TMEM225B: variants seen among roughly 807,000 people sequenced by gnomAD.
TMEM225B encodes the protein transmembrane protein 225-like.
Under a neutral mutation model 16.9 loss-of-function variants are expected in TMEM225B, and 10 were observed. That is an observed-to-expected ratio of 0.59 (90% CI 0.36 to 1.00). The LOEUF is 1.00. Ranked by LOEUF, TMEM225B falls within the 50% of genes least tolerant of loss-of-function variation. The pLI, the probability that TMEM225B is intolerant of heterozygous loss-of-function variation, is 0.01. For missense variants in TMEM225B, 217 were observed against 267.0 expected, an observed-to-expected ratio of 0.81 and a Z score of 1.30; for synonymous variants, 92 against 109.8, an observed-to-expected ratio of 0.84 and a Z score of 1.01.
intron 2 of TMEM225B, among the ~76,000 whole-genome samples, chr7:99,602,465 C>T (rs1191988253): frequency 1.3e-5 from 2 of 152,182 alleles, no homozygotes; most frequent in Non-Finnish European, 1.5e-5. Context: ...CTTTGGTATG[C>T]GTTATTTCAT....
chr7:99,608,587 T>G, intron 5 of TMEM225B, among the ~76,000 whole-genome samples: 1 of 149,782 alleles, frequency 6.7e-6, no homozygotes, highest in Middle Eastern at 3.2e-3. Context: ...TCTTGCTTTG[T>G]TGCCCAGGTT....
rs1250600916 is a variant in TMEM225B at position 99,610,988 on chromosome 7, T to C, written c.*423T>C. Among the ~76,000 whole-genome samples, 1 of 152,074 alleles carries C rather than the reference T, an allele frequency of 6.6e-6. No individual in the cohort carries two copies. The highest frequency in any genetic ancestry group is 1.5e-5 in the Non-Finnish European group (1 of 68,024). On this transcript the variant is annotated 3_prime_UTR_variant, in exon 6 of 6. Transcript: ENST00000431679. ...GGCTGGTGGCACAGGGGTAAAAGAATTTACCAAGACGGTTGTAGATAAAGA... is the reference window on the plus strand; with the variant it reads ...GGCTGGTGGCACAGGGGTAAAAGAACTTACCAAGACGGTTGTAGATAAAGA...
At chr7:99,607,384 C>A (rs148237572) in intron 4 of TMEM225B, among the ~76,000 whole-genome samples, 10 of 152,232 alleles carry the variant, frequency 6.6e-5, no homozygotes, top group East Asian at 5.8e-4. Flanking sequence ...AATGGGATTG[C>A]ATTTAATCCA....
At chr7:99,610,019 T>C (rs1284001291) in intron 5 of TMEM225B, among the ~76,000 whole-genome samples, 1 of 152,214 alleles carries the variant, frequency 6.6e-6, no homozygotes, top group East Asian at 1.9e-4. Context: ...ATTACAGGCG[T>C]GAACTACCAC....
chr7:99,604,733 C>G (rs1805652882), intron 3 of TMEM225B, 137 bp downstream of exon 3: 9 of 723,858 alleles, frequency 1.2e-5, no homozygotes, highest in Non-Finnish European at 4.6e-6. Context: ...GTGGCTTGCA[C>G]TTGTAATCCC....
In TMEM225B at chr7:99,600,277, G is replaced by C. The variant is rs1394645369; in HGVS notation, c.-12G>C. ...CCACCATTGGCCTACATTGGGAGTG[G>C]GGCGACCTGTAAGTGCACAGTGAAT... On this transcript the variant is annotated 5_prime_UTR_variant, in exon 2 of 6. Transcript: ENST00000431679. The C allele has an allele frequency of 1.4e-6, 1 of 702,934 alleles. No homozygotes were observed. Among genetic ancestry groups the C allele is most frequent in the South Asian group, 1.5e-5 (1 of 67,592 alleles). 43.5% of individuals were successfully genotyped at this position (702,934 alleles called of 1,614,324 possible). A position where few individuals can be genotyped will look rare whatever the true frequency, so the allele number is the denominator to read the frequency against.
In TMEM225B at chr7:99,608,858, T is replaced by TAC. The variant is rs1554405762; in HGVS notation, c.493+1058_493+1059dup. On this transcript the variant is annotated intron_variant, in intron 5 of 5. Transcript: ENST00000431679. ...GTGCACGTATATATATATATATATATACACACACACATATATGTGTATATA... is the reference window on the plus strand; with the variant it reads ...GTGCACGTATATATATATATATATATACACACACACACATATATGTGTATATA... 1.9e-3 allele frequency among the ~76,000 whole-genome samples: 281 copies of TAC among 144,434 alleles called. 10 individuals are homozygous for TAC. In the South Asian group the frequency reaches 0.038, roughly 19 times the overall value. 94.8% of individuals were successfully genotyped at this position (144,434 alleles called of 152,430 possible).
rs1805245523 is a variant in TMEM225B at position 99,600,258 on chromosome 7, T to C, written c.-31T>C. 1.4e-6 allele frequency: 1 copy of C among 702,940 alleles called. No individual in the cohort carries two copies. Among genetic ancestry groups the C allele is most frequent in the East Asian group, 2.7e-5 (1 of 37,280 alleles). 43.5% of individuals were successfully genotyped at this position (702,940 alleles called of 1,614,324 possible). A position where few individuals can be genotyped will look rare whatever the true frequency, so the allele number is the denominator to read the frequency against. ...TTTTTTCATCTCTGAATCCCCACCA[T>C]TGGCCTACATTGGGAGTGGGGCGAC... On this transcript the variant is annotated 5_prime_UTR_variant, in exon 2 of 6. Transcript: ENST00000431679.
rs533474260 is a variant in TMEM225B at position 99,600,743 on chromosome 7, A to C, written c.-4+458A>C. Among the ~76,000 whole-genome samples the C allele has an allele frequency of 4.5e-4, 68 of 152,294 alleles. 1 individual carries two copies. Among genetic ancestry groups the C allele is most frequent in the Admixed American group, 3.8e-3 (58 of 15,288 alleles). Reference sequence around the variant, plus strand: ...CTCTTGACACATGGGGATTATTACAATGCAAGGTGAGATTTGGGTGGGGAC... The same window carrying C: ...CTCTTGACACATGGGGATTATTACACTGCAAGGTGAGATTTGGGTGGGGAC... On this transcript the variant is annotated intron_variant, in intron 2 of 5. Transcript: ENST00000431679.
chr7:99,599,709 C>T (rs1387895413), intron 1 of TMEM225B, among the ~76,000 whole-genome samples: 2 of 152,232 alleles, frequency 1.3e-5, no homozygotes, highest in Non-Finnish European at 2.9e-5. Context: ...AGAAAGCATT[C>T]TCTGGATCCA....
intron 5 of TMEM225B, 143 bp downstream of exon 5, chr7:99,607,953 C>CGAAA: frequency 1.1e-6 from 1 of 921,568 alleles, no homozygotes; most frequent in Non-Finnish European, 1.6e-6. Flanking sequence ...ATTTAACTTT[C>CGAAA]GTTAATTAAA....
At position 99,610,706 on chromosome 7, in the gene TMEM225B, T is replaced by A. The variant is rs1345702059; in HGVS notation, c.*141T>A. On this transcript the variant is annotated 3_prime_UTR_variant, in exon 6 of 6. Transcript: ENST00000431679. ...GTCAGATCAACTCTCCACCTCCCCATACTCACAGTGATTCTATCTTGCTTG... is the reference window on the plus strand; with the variant it reads ...GTCAGATCAACTCTCCACCTCCCCAAACTCACAGTGATTCTATCTTGCTTG... 9.7e-6 allele frequency: 6 copies of A among 615,436 alleles called. No homozygotes were observed. The East Asian group carries it at 1.4e-4, about 14-fold the overall frequency. The allele number at this position is 615,436 out of a possible 1,614,324, so 38.1% of individuals were successfully genotyped here. A position where few individuals can be genotyped will look rare whatever the true frequency, so the allele number is the denominator to read the frequency against.
At chr7:99,599,041 G>A (rs943880560) in intron 1 of TMEM225B, among the ~76,000 whole-genome samples, 17 of 152,150 alleles carry the variant, frequency 1.1e-4, no homozygotes, top group Non-Finnish European at 1.9e-4. Flanking sequence ...CTCACTGCAA[G>A]CTCCGCCTCC....
At chr7:99,603,495 C>T (rs1805525991) in intron 2 of TMEM225B, among the ~76,000 whole-genome samples, 1 of 152,016 alleles carries the variant, frequency 6.6e-6, no homozygotes, top group African/African-American at 2.4e-5. Flanking sequence ...AGTTCGAGAC[C>T]AGCCTGGCCA....
intron 2 of TMEM225B, 112 bp from the exon 3 acceptor site, chr7:99,604,274 A>G (rs1805604467): frequency 1.4e-6 from 1 of 690,434 alleles, no homozygotes; most frequent in East Asian, 2.7e-5. Flanking sequence ...TGAGTTTCAC[A>G]TATGCGCCAC....
At chr7:99,607,353 G>C (rs1242435638) in intron 4 of TMEM225B, among the ~76,000 whole-genome samples, 3 of 152,152 alleles carry the variant, frequency 2.0e-5, no homozygotes, top group Non-Finnish European at 4.4e-5. Flanking sequence ...TAGGCAAATG[G>C]TGGAGGTAGA....
rs555608884 is a variant in TMEM225B, at chr7:99,601,340, C to T, written c.-4+1055C>T. Among the ~76,000 whole-genome samples, 26 of 152,304 alleles carry T rather than the reference C, an allele frequency of 1.7e-4. No homozygotes were observed. The South Asian group carries it at 5.4e-3, about 32-fold the overall frequency. On this transcript the variant is annotated intron_variant, in intron 2 of 5. Coordinates refer to ENST00000431679, the MANE Select transcript of TMEM225B (RefSeq NM_001195541.3). ...GGGTGTGGTGGTTCAAGCCTGTAAT[C>T]CCAACTCTTTGGGAGGCCAAGGCAG...
chr7:99,604,769 G>A (rs1259878864), intron 3 of TMEM225B, among the ~76,000 whole-genome samples, 173 bp downstream of exon 3: 1 of 152,110 alleles, frequency 6.6e-6, no homozygotes, highest in Non-Finnish European at 1.5e-5. Context: ...CGAAGCGAGA[G>A]GATTGCTTGA....
intron 2 of TMEM225B, among the ~76,000 whole-genome samples, chr7:99,601,478 A>T (rs1229529998): frequency 8.5e-5 from 13 of 152,220 alleles, no homozygotes; most frequent in Non-Finnish European, 1.5e-5. Flanking sequence ...CTGTAGTCCC[A>T]GCTACTCAGG....
Sources: gnomAD v4.1 joint callset for allele counts (sites outside exome capture counted in the v4.1 genomes callset) on GRCh38, gnomAD v4.1.1 for gene constraint, MANE v1.5 for transcripts, NCBI Gene and HGNC (gene_info 2026-07-23, HGNC 2026-07-21) for gene names.